HCRTR2: variants seen among roughly 807,000 people sequenced by gnomAD.
HCRTR2 encodes the protein orexin receptor type 2.
A neutral mutation model predicts 49.0 loss-of-function variants in HCRTR2; 22 were observed. The ratio of observed to expected loss-of-function variants is 0.45; its 90% CI spans 0.32 to 0.64. The LOEUF (loss-of-function observed/expected upper bound fraction) is 0.64. Among genes scored for constraint, HCRTR2 ranks in the 30% least tolerant of loss-of-function variants. The probability of loss-of-function intolerance (pLI) is 0.04; values close to 1 mark genes in which losing one functional copy is unlikely to be tolerated. For synonymous variants in HCRTR2, 236 were observed against 205.3 expected (o/e 1.15, Z -1.28); for missense variants, 491 against 559.4 (o/e 0.88, Z 1.23).
chr6:55,191,214 G>C (rs1318978234), intron 1 of HCRTR2, among the ~76,000 whole-genome samples: 1 of 152,022 alleles, frequency 6.6e-6, no homozygotes, highest in Non-Finnish European at 1.5e-5. Flanking sequence ...TGCGTACATT[G>C]GTGTAATTTA....
chr6:55,149,335 G>A (rs1764634241), intron 1 of HCRTR2, among the ~76,000 whole-genome samples: 2 of 152,030 alleles, frequency 1.3e-5, no homozygotes, highest in Non-Finnish European at 2.9e-5. Context: ...CACCCAACAG[G>A]GTTTAATACT....
chr6:55,128,256 T>C (rs781397756), intron 1 of HCRTR2, among the ~76,000 whole-genome samples: 4 of 152,132 alleles, frequency 2.6e-5, no homozygotes, highest in Non-Finnish European at 5.9e-5. Flanking sequence ...ATTTCTGGGT[T>C]CTCTATTCTG....
intron 1 of HCRTR2, among the ~76,000 whole-genome samples, chr6:55,189,505 A>T (rs1332830466): frequency 1.3e-5 from 2 of 152,190 alleles, no homozygotes; most frequent in African/African-American, 4.8e-5. Context: ...TGCCAAAGAA[A>T]GTACAGTGGC....
At chr6:55,157,713 G>A (rs895152186) in intron 1 of HCRTR2, among the ~76,000 whole-genome samples, 1 of 152,194 alleles carries the variant, frequency 6.6e-6, no homozygotes, top group African/African-American at 2.4e-5. Context: ...GAGAAAGTAA[G>A]GGAAGAGAAT....
chr6:55,126,776 C>T (rs946382247), intron 1 of HCRTR2, among the ~76,000 whole-genome samples: 35 of 152,182 alleles, frequency 2.3e-4, no homozygotes, highest in Admixed American at 8.5e-4. Context: ...ATTCCCTGCC[C>T]AGAGAGGAGA....
At chr6:55,229,173 A>G (rs1402474435) in intron 1 of HCRTR2, among the ~76,000 whole-genome samples, 1 of 152,222 alleles carries the variant, frequency 6.6e-6, no homozygotes, top group African/African-American at 2.4e-5. Flanking sequence ...GCTGACAGAA[A>G]TATAAAATGA....
intron 6 of HCRTR2, 80 bp from the exon 7 acceptor site, chr6:55,282,145 C>T: frequency 1.0e-6 from 1 of 1,003,536 alleles, no homozygotes; most frequent in Non-Finnish European, 1.5e-6. Flanking sequence ...CTCAAGGGAG[C>T]AACTCAGTTG....
chr6:55,126,480 A>G (rs1309155472), intron 1 of HCRTR2, among the ~76,000 whole-genome samples: 1 of 152,146 alleles, frequency 6.6e-6, no homozygotes, highest in Admixed American at 6.5e-5. Flanking sequence ...TGGAAGCTTC[A>G]TCCCAGAGAT....
chr6:55,224,228 A>T (rs1765953014), intron 1 of HCRTR2, among the ~76,000 whole-genome samples: 1 of 152,346 alleles, frequency 6.6e-6, no homozygotes, highest in East Asian at 1.9e-4. Flanking sequence ...AAAGAAAATC[A>T]GTTCAGTATG....
chr6:55,121,368 T>G (rs1236808321), intron 1 of HCRTR2, among the ~76,000 whole-genome samples: 1 of 152,134 alleles, frequency 6.6e-6, no homozygotes, highest in Admixed American at 6.6e-5. Flanking sequence ...CTTAAGGAGA[T>G]TTTGGGCTGA....
chr6:55,108,215 T>C (rs1764000926), intron 1 of HCRTR2, among the ~76,000 whole-genome samples: 1 of 152,122 alleles, frequency 6.6e-6, no homozygotes, highest in South Asian at 2.1e-4. Context: ...ATAAACTTTA[T>C]ACCCTTCAGA....
chr6:55,152,218 A>C (rs141673747), intron 1 of HCRTR2, among the ~76,000 whole-genome samples: 1 of 151,714 alleles, frequency 6.6e-6, no homozygotes, highest in East Asian at 1.9e-4. Flanking sequence ...CCTTTTCTCT[A>C]CCTCCTTGCT....
At chr6:55,189,200 C>G (rs1765274838) in intron 1 of HCRTR2, among the ~76,000 whole-genome samples, 1 of 152,056 alleles carries the variant, frequency 6.6e-6, no homozygotes, top group African/African-American at 2.4e-5. Context: ...TTTGCAATCT[C>G]TGGAGTGATT....
intron 1 of HCRTR2, among the ~76,000 whole-genome samples, chr6:55,126,156 T>C (rs556562695): frequency 2.0e-5 from 3 of 152,316 alleles, no homozygotes; most frequent in Admixed American, 6.5e-5. Context: ...TTTTGTTCCC[T>C]TGCTGGTGAA....
chr6:55,226,711 G>GTTTTTTTTTTTTTTTTTTTTTTTTTTTT (rs777871106), intron 1 of HCRTR2, among the ~76,000 whole-genome samples: 2 of 74,288 alleles, frequency 2.7e-5, no homozygotes, highest in African/African-American at 1.2e-4. Flanking sequence ...AATTCCAGGT[G>GTTTTTTTTTTTTTTTTTTTTTTTTTTTT]TTTTTTTTTT....
At chr6:55,152,481 A>G (rs1764676610) in intron 1 of HCRTR2, among the ~76,000 whole-genome samples, 1 of 151,934 alleles carries the variant, frequency 6.6e-6, no homozygotes, top group African/African-American at 2.4e-5. Flanking sequence ...TATTTTGGAT[A>G]TTAACTCTTT....
chr6:55,280,016 A>G lies in HCRTR2; in HGVS notation c.984-307A>G, dbSNP rs369882332. On this transcript the variant is annotated intron_variant, in intron 5 of 6. Transcript: ENST00000370862. ...ACATTATTCAATTGTATTTAGAAAG[A>G]AAATGAAATAAAGAAGATATATATT... Among the ~76,000 whole-genome samples, 5 of 152,312 alleles carry G rather than the reference A, an allele frequency of 3.3e-5. No homozygotes were observed. The East Asian group carries it at 5.8e-4, about 18-fold the overall frequency.
intron 1 of HCRTR2, among the ~76,000 whole-genome samples, chr6:55,241,042 A>G (rs1288275404): frequency 6.6e-6 from 1 of 151,502 alleles, no homozygotes; most frequent in Non-Finnish European, 1.5e-5. Context: ...TTACATATGT[A>G]TACATGTGCC....
chr6:55,210,686 G>A (rs550889087), intron 1 of HCRTR2, among the ~76,000 whole-genome samples: 2 of 152,106 alleles, frequency 1.3e-5, no homozygotes, highest in East Asian at 3.8e-4. Context: ...CCTTCCTGTG[G>A]CTGGATAAGG....
Sources: gnomAD v4.1 joint callset for allele counts (sites outside exome capture counted in the v4.1 genomes callset) on GRCh38, gnomAD v4.1.1 for gene constraint, MANE v1.5 for transcripts, NCBI Gene and HGNC (gene_info 2026-07-23, HGNC 2026-07-21) for gene names.